MARCHF5: variants seen among roughly 807,000 people sequenced by gnomAD.
MARCHF5 encodes the protein membrane associated ring-CH-type finger 5, also known as E3 ubiquitin-protein ligase MARCHF5.
A neutral mutation model predicts 36.5 loss-of-function variants in MARCHF5; 5 were observed. The observed-to-expected ratio is 0.14, with a 90% CI of 0.07 to 0.29. MARCHF5 has a LOEUF of 0.29. Among genes scored for constraint, MARCHF5 ranks in the 10% least tolerant of loss-of-function variants. MARCHF5 has a pLI of 1.00. For missense variants in MARCHF5, 179 were observed against 336.3 expected (o/e 0.53, Z 3.66); for synonymous variants, 103 against 109.9 (o/e 0.94, Z 0.39).
At chr10:92,344,462 G>A (rs951049329) in intron 3 of MARCHF5, among the ~76,000 whole-genome samples, 3 of 152,124 alleles carry the variant, frequency 2.0e-5, no homozygotes, top group Admixed American at 2.0e-4. Flanking sequence ...ACCTTCACAT[G>A]TAATGTCTCA....
At chr10:92,347,108 G>T (rs941522280) in intron 3 of MARCHF5, among the ~76,000 whole-genome samples, 1 of 152,122 alleles carries the variant, frequency 6.6e-6, no homozygotes, top group Admixed American at 6.6e-5. Context: ...ACTCAGGAGG[G>T]TGAGGTGGGA....
chr10:92,301,959 G>T (rs1373536280), intron 1 of MARCHF5, among the ~76,000 whole-genome samples: 1 of 152,160 alleles, frequency 6.6e-6, no homozygotes, highest in African/African-American at 2.4e-5. Context: ...TACTTGGGAG[G>T]CTGAGGCAGG....
intron 2 of MARCHF5, among the ~76,000 whole-genome samples, chr10:92,336,458 G>A (rs970330329): frequency 1.3e-5 from 2 of 152,198 alleles, no homozygotes; most frequent in African/African-American, 4.8e-5. Flanking sequence ...ACAGGCAGAT[G>A]TCTGAATTTA....
intron 2 of MARCHF5, among the ~76,000 whole-genome samples, chr10:92,331,853 AATC>A (rs1843438657): frequency 6.8e-6 from 1 of 147,838 alleles, no homozygotes; most frequent in Admixed American, 6.8e-5. Flanking sequence ...TTTCATATAT[AATC>A]ATATATATGT....
chr10:92,309,845 A>AAG (rs1490346772), intron 1 of MARCHF5, among the ~76,000 whole-genome samples: 2 of 152,186 alleles, frequency 1.3e-5, no homozygotes, highest in African/African-American at 2.4e-5. Flanking sequence ...TTAAAAAAGA[A>AAG]CAAAGTATTT....
chr10:92,334,025 G>A (rs546952323), intron 2 of MARCHF5, among the ~76,000 whole-genome samples: 12 of 151,968 alleles, frequency 7.9e-5, no homozygotes, highest in Non-Finnish European at 1.2e-4. Context: ...CCCCATCTCC[G>A]CTAAAAATAA....
At chr10:92,344,952 G>A (rs866186045) in intron 3 of MARCHF5, among the ~76,000 whole-genome samples, 5 of 152,104 alleles carry the variant, frequency 3.3e-5, no homozygotes, top group African/African-American at 9.7e-5. Context: ...GGTTTAGAGA[G>A]TTTACAGGTC....
At chr10:92,326,553 G>C (rs1385529535) in intron 2 of MARCHF5, among the ~76,000 whole-genome samples, 3 of 152,148 alleles carry the variant, frequency 2.0e-5, no homozygotes, top group Non-Finnish European at 4.4e-5. Flanking sequence ...ATTAATTTGA[G>C]AGACTGTTAA....
intron 1 of MARCHF5, among the ~76,000 whole-genome samples, chr10:92,304,180 T>A (rs915017195): frequency 6.6e-6 from 1 of 152,244 alleles, no homozygotes; most frequent in Non-Finnish European, 1.5e-5. Context: ...GTAGAATTGC[T>A]TTATGTGCTA....
rs370134787 is a variant in MARCHF5, at chr10:92,349,466, G to A, written c.487G>A (p.Asp163Asn). ...ATTAGGCAAGATGATTCGCTGGGAG[G>A]ACTATGTGCTTAGACTGTGGCGCAA... Reference protein sequence around the residue: ...LILGKMIRWEDYVLRLWRKYS... With the variant: ...LILGKMIRWENYVLRLWRKYS... Residue 163 changes from aspartate to asparagine, a missense_variant, in exon 4 of 6, where the codon GAC becomes AAC. Asp to Asn is a conservative substitution (Grantham distance 23, BLOSUM62 1). This residue lies in a region of MARCHF5 where 95 missense variants were observed against 139.5 expected (regional missense o/e 0.68). Coordinates refer to ENST00000358935, the MANE Select transcript of MARCHF5 (RefSeq NM_017824.5). 1 of 1,614,098 alleles carries A rather than the reference G, an allele frequency of 6.2e-7. No individual in the cohort carries two copies. The highest frequency in any genetic ancestry group is 8.5e-7 in the Non-Finnish European group (1 of 1,180,006).
chr10:92,329,732 A>G (rs1843414924), intron 2 of MARCHF5, among the ~76,000 whole-genome samples: 1 of 152,244 alleles, frequency 6.6e-6, no homozygotes, highest in Admixed American at 6.5e-5. Context: ...TTACTTTGCT[A>G]TATAGAAGTT....
intron 2 of MARCHF5, among the ~76,000 whole-genome samples, chr10:92,336,451 G>A (rs542559693): frequency 6.6e-5 from 10 of 152,260 alleles, no homozygotes; most frequent in African/African-American, 2.4e-4. Flanking sequence ...TACAAAAACA[G>A]GCAGATGTCT....
chr10:92,309,339 T>C (rs1843118480), intron 1 of MARCHF5, among the ~76,000 whole-genome samples: 1 of 152,224 alleles, frequency 6.6e-6, no homozygotes, highest in Admixed American at 6.5e-5. Context: ...ATCTTTTCTG[T>C]AAGTCAGAAA....
At chr10:92,342,770 G>A (rs779903813) in intron 3 of MARCHF5, among the ~76,000 whole-genome samples, 1 of 152,164 alleles carries the variant, frequency 6.6e-6, no homozygotes, top group Non-Finnish European at 1.5e-5. Context: ...TAACTCTGTA[G>A]TAGTGAACAC....
At chr10:92,310,996 G>A (rs1843138342) in intron 1 of MARCHF5, 139 bp from the exon 2 acceptor site, 1 of 625,400 alleles carries the variant, frequency 1.6e-6, no homozygotes. Context: ...TGGTTGTTTT[G>A]TCTCCTTAGT....
At position 92,329,373 on chromosome 10, in the gene MARCHF5, G is replaced by A. The variant is rs557392478; in HGVS notation, c.239-11300G>A. On this transcript the variant is annotated intron_variant, in intron 2 of 5. Coordinates refer to ENST00000358935, the MANE Select transcript of MARCHF5 (RefSeq NM_017824.5). ...AGTGAGGAGGCTAAACCATTTTAAA[G>A]TAAGAATACTTAGATTGTAAAAGGG... Among the ~76,000 whole-genome samples the A allele has an allele frequency of 1.5e-3, 229 of 152,158 alleles. 1 individual carries two copies. The highest frequency in any genetic ancestry group is 2.1e-3 in the Non-Finnish European group (143 of 68,010).
intron 2 of MARCHF5, among the ~76,000 whole-genome samples, chr10:92,335,701 T>C (rs981749136): frequency 5.9e-5 from 9 of 152,186 alleles, no homozygotes; most frequent in Non-Finnish European, 1.2e-4. Context: ...TTTTTTCTTA[T>C]TCAAAAGAAT....
chr10:92,337,005 C>T (rs1043021441), intron 2 of MARCHF5, among the ~76,000 whole-genome samples: 2 of 151,990 alleles, frequency 1.3e-5, no homozygotes, highest in African/African-American at 2.4e-5. Flanking sequence ...CACCTGTAGT[C>T]CCAGCTACTT....
chr10:92,307,498 G>A (rs1167483944), intron 1 of MARCHF5, among the ~76,000 whole-genome samples: 1 of 152,084 alleles, frequency 6.6e-6, no homozygotes, highest in East Asian at 1.9e-4. Flanking sequence ...ATCCAAGGCA[G>A]GAGAATTGCT....
Sources: allele counts gnomAD v4.1 joint callset (sites outside exome capture counted in the v4.1 genomes callset), GRCh38; gene constraint gnomAD v4.1.1; regional missense constraint gnomAD v4.1.1; transcripts MANE v1.5; gene names NCBI Gene and HGNC (gene_info 2026-07-23, HGNC 2026-07-21).